SENP2: variants seen among roughly 807,000 people sequenced by gnomAD.
SENP2 encodes SUMO specific peptidase 2.
SENP2 carries 16 observed loss-of-function variants against 86.3 expected under a neutral mutation model. That is an observed-to-expected ratio of 0.19 (90% CI 0.13 to 0.28). The LOEUF (loss-of-function observed/expected upper bound fraction) is 0.28. Among genes scored for constraint, SENP2 ranks in the 10% least tolerant of loss-of-function variants. The pLI is 1.00. For missense variants in SENP2, 552 were observed against 703.0 expected, an observed-to-expected ratio of 0.79 and a Z score of 2.43; for synonymous variants, 222 against 238.7, an observed-to-expected ratio of 0.93 and a Z score of 0.64.
intron 5 of SENP2, among the ~76,000 whole-genome samples, chr3:185,603,741 T>C (rs543839490): frequency 6.6e-6 from 1 of 152,374 alleles, no homozygotes; most frequent in East Asian, 1.9e-4. Flanking sequence ...ACTTATTTTC[T>C]AAGCATTTAA....
chr3:185,629,988 C>G lies in SENP2; in HGVS notation c.*144C>G. ...GTCAAAAGTGCATGAAGGCCTCTCA[C>G]TGTACTCTAGTCCTGACTTGGGGTG... is the stretch of plus-strand genomic sequence containing the variant. On this transcript the variant is annotated 3_prime_UTR_variant, in exon 17 of 17. Transcript: ENST00000296257. 1 of 751,152 alleles carries G rather than the reference C, an allele frequency of 1.3e-6. No homozygotes were observed. The allele number at this position is 751,152 out of a possible 1,614,324, so 46.5% of individuals were successfully genotyped here.
intron 9 of SENP2, among the ~76,000 whole-genome samples, chr3:185,613,141 G>C (rs757429414): frequency 1.3e-5 from 2 of 152,202 alleles, no homozygotes; most frequent in Admixed American, 1.3e-4. Flanking sequence ...GAGTTGCCAC[G>C]ATGTGCCCAA....
intron 5 of SENP2, 45 bp from the exon 6 acceptor site, chr3:185,606,285 A>C (rs753367712): frequency 2.6e-5 from 40 of 1,529,508 alleles, no homozygotes; most frequent in Non-Finnish European, 3.5e-5. Flanking sequence ...CCAGCAATTT[A>C]AGCAGCTTGG....
intron 13 of SENP2, among the ~76,000 whole-genome samples, chr3:185,620,941 C>T (rs1345090872): frequency 2.0e-5 from 3 of 151,196 alleles, no homozygotes; most frequent in Non-Finnish European, 3.0e-5. Context: ...GAGTTTGAGA[C>T]CAGCCTGGGC....
intron 11 of SENP2, 141 bp downstream of exon 11, chr3:185,614,881 T>G: frequency 1.3e-6 from 1 of 745,848 alleles, no homozygotes; most frequent in South Asian, 1.9e-5. Flanking sequence ...GGTCTGTTGA[T>G]TCACTTTGAC....
chr3:185,606,717 C>T, intron 6 of SENP2: 1 of 542,340 alleles, frequency 1.8e-6, no homozygotes, highest in Non-Finnish European at 3.3e-6. Flanking sequence ...GCTATGAGAC[C>T]TAAAGTTCTT....
At chr3:185,610,889 C>T (rs527635893) in intron 7 of SENP2, among the ~76,000 whole-genome samples, 27 of 152,036 alleles carry the variant, frequency 1.8e-4, no homozygotes, top group African/African-American at 5.8e-4. Context: ...ACCCGGGAGG[C>T]GGAGCTTGCA....
chr3:185,623,609 G>T (rs1475700496), intron 14 of SENP2, among the ~76,000 whole-genome samples: 3 of 151,884 alleles, frequency 2.0e-5, no homozygotes, highest in Non-Finnish European at 2.9e-5. Context: ...GGGATCACAG[G>T]CTCAGGAGAT....
chr3:185,588,533 T>A (rs964938982), intron 1 of SENP2, among the ~76,000 whole-genome samples: 3 of 152,130 alleles, frequency 2.0e-5, no homozygotes, highest in African/African-American at 7.2e-5. Flanking sequence ...TCAAGAAAAG[T>A]GGAAGAAGTG....
chr3:185,612,650 T>A lies in SENP2; in HGVS notation c.861T>A (p.Ser287Arg). ...GGGGACCTCTATGTTCATTGAGAAGTGAAAAGAGGTACGTACATTCAGTTC... is the reference window on the plus strand; with the variant it reads ...GGGGACCTCTATGTTCATTGAGAAGAGAAAAGAGGTACGTACATTCAGTTC... Reference protein sequence around the residue: ...ETRGPLCSLRSEKRCSKGKIT... With the variant: ...ETRGPLCSLRREKRCSKGKIT... The change falls in exon 9 of 17, where the codon AGT becomes AGA. Residue 287 changes from serine to arginine, a missense_variant. This residue lies in a region of SENP2 where 383 missense variants were observed against 427.3 expected (regional missense o/e 0.90). Transcript: ENST00000296257. The A allele has an allele frequency of 6.2e-7, 1 of 1,603,864 alleles. No homozygotes were observed. Among genetic ancestry groups the A allele is most frequent in the Non-Finnish European group, 8.5e-7 (1 of 1,170,826 alleles).
At chr3:185,613,246 T>A (rs963787962) in intron 9 of SENP2, 99 bp from the exon 10 acceptor site, 12 of 772,732 alleles carry the variant, frequency 1.6e-5, no homozygotes, top group Admixed American at 4.4e-5. Context: ...CTCAACACAA[T>A]TTTTATGTAC....
intron 2 of SENP2, among the ~76,000 whole-genome samples, chr3:185,596,410 A>G (rs1171566116): frequency 6.6e-6 from 1 of 152,026 alleles, no homozygotes; most frequent in Non-Finnish European, 1.5e-5. Flanking sequence ...ACTTGAGCCC[A>G]GGAGTTCCAG....
chr3:185,594,010 G>A (rs969662301), intron 2 of SENP2, among the ~76,000 whole-genome samples: 1 of 151,974 alleles, frequency 6.6e-6, no homozygotes, highest in Non-Finnish European at 1.5e-5. Flanking sequence ...TTACAGGCGT[G>A]AGCCACCTCA....
In SENP2 at chr3:185,588,050, A is replaced by ATTTTTTTT. The variant is rs1196425963; in HGVS notation, c.101+1554_101+1561dup. On this transcript the variant is annotated intron_variant, in intron 1 of 16. Transcript: ENST00000296257. ...CACAGCGCCCGGCCACTACCGGCTA[A>ATTTTTTTT]TTTTTTTTTTTTTTTTTTTTTTTTT... 5.5e-3 allele frequency among the ~76,000 whole-genome samples: 358 copies of ATTTTTTTT among 64,772 alleles called. 26 individuals are homozygous for ATTTTTTTT. The highest frequency in any genetic ancestry group is 0.021 in the South Asian group (26 of 1,236). The allele number at this position is 64,772 out of a possible 152,430, so 42.5% of individuals were successfully genotyped here. A position where few individuals can be genotyped will look rare whatever the true frequency, so the allele number is the denominator to read the frequency against.
intron 2 of SENP2, among the ~76,000 whole-genome samples, chr3:185,596,410 A>C (rs1171566116): frequency 6.6e-6 from 1 of 152,026 alleles, no homozygotes; most frequent in Non-Finnish European, 1.5e-5. Flanking sequence ...ACTTGAGCCC[A>C]GGAGTTCCAG....
In SENP2 at chr3:185,588,357, A is replaced by AT. The variant is rs550210665; in HGVS notation, c.102-1751dup. ...ACCGCGCCCGGCCCTCGCCCGACTAATTTTTTGTATTTTTTAGTAGAGACG... is the reference window on the plus strand; with the variant it reads ...ACCGCGCCCGGCCCTCGCCCGACTAATTTTTTTGTATTTTTTAGTAGAGACG... On this transcript the variant is annotated intron_variant, in intron 1 of 16. Transcript: ENST00000296257. Among the ~76,000 whole-genome samples the AT allele has an allele frequency of 4.5e-3, 664 of 147,418 alleles. 5 individuals are homozygous for AT. Among genetic ancestry groups the AT allele is most frequent in the African/African-American group, 0.016 (620 of 39,722 alleles).
intron 1 of SENP2, among the ~76,000 whole-genome samples, chr3:185,587,752 T>TTTTTTTTTA (rs1721840463): frequency 4.2e-5 from 6 of 141,320 alleles, no homozygotes; most frequent in South Asian, 4.7e-4. Flanking sequence ...TTTTTTTTTT[T>TTTTTTTTTA]GAGACAGAGT....
intron 5 of SENP2, among the ~76,000 whole-genome samples, chr3:185,602,981 C>T (rs1402603014): frequency 1.8e-4 from 25 of 137,834 alleles, no homozygotes; most frequent in East Asian, 9.1e-4. Context: ...GGCATGATCT[C>T]GGCTCACTGC....
intron 6 of SENP2, among the ~76,000 whole-genome samples, chr3:185,608,141 A>G (rs1025339247): frequency 7.2e-5 from 11 of 152,228 alleles, no homozygotes; most frequent in Admixed American, 2.0e-4. Context: ...TTCAAGATTA[A>G]ATGAAATGTG....
Sources: allele counts gnomAD v4.1 joint callset (sites outside exome capture counted in the v4.1 genomes callset), GRCh38; gene constraint gnomAD v4.1.1; regional missense constraint gnomAD v4.1.1; transcripts MANE v1.5; gene names NCBI Gene and HGNC (gene_info 2026-07-23, HGNC 2026-07-21).